ATRNL1: variants seen among roughly 807,000 people sequenced by gnomAD.
ATRNL1 encodes the protein attractin like 1, also known as attractin-like protein 1.
Under a neutral mutation model 182.7 loss-of-function variants are expected in ATRNL1, and 95 were observed. That is an observed-to-expected ratio of 0.52 (90% CI 0.44 to 0.62). ATRNL1 has a LOEUF of 0.62. Among genes scored for constraint, ATRNL1 ranks in the 20% least tolerant of loss-of-function variants. The pLI is 0.00. For missense variants in ATRNL1, 1,471 were observed against 1,679.5 expected, an observed-to-expected ratio of 0.88 and a Z score of 2.17; for synonymous variants, 576 against 568.3, an observed-to-expected ratio of 1.01 and a Z score of -0.19.
At chr10:115,473,620 A>T (rs1434111716) in intron 24 of ATRNL1, among the ~76,000 whole-genome samples, 2 of 151,246 alleles carry the variant, frequency 1.3e-5, no homozygotes, top group Admixed American at 6.6e-5. Flanking sequence ...ACTCTACTTC[A>T]TCTTTTTGGA....
chr10:115,912,456 G>A (rs774137926), intron 28 of ATRNL1, among the ~76,000 whole-genome samples: 18 of 150,588 alleles, frequency 1.2e-4, no homozygotes, highest in Non-Finnish European at 2.7e-4. Flanking sequence ...GATGAAACAG[G>A]CACATTTTAA....
At chr10:115,450,124 A>G (rs1033310689) in intron 21 of ATRNL1, among the ~76,000 whole-genome samples, 12 of 152,188 alleles carry the variant, frequency 7.9e-5, no homozygotes, top group African/African-American at 2.7e-4. Context: ...TATTAAAGGA[A>G]CATACCTCAA....
chr10:115,629,426 C>T (rs1319837680), intron 26 of ATRNL1, among the ~76,000 whole-genome samples: 3 of 152,102 alleles, frequency 2.0e-5, no homozygotes, highest in Non-Finnish European at 4.4e-5. Context: ...ATCCTATTCT[C>T]CTTGCCAGAC....
intron 26 of ATRNL1, among the ~76,000 whole-genome samples, chr10:115,582,515 A>T (rs1228148382): frequency 3.2e-5 from 4 of 124,140 alleles, no homozygotes; most frequent in East Asian, 3.2e-4. Context: ...GCATTTTTTC[A>T]TGTGTTTTTT....
intron 19 of ATRNL1, among the ~76,000 whole-genome samples, chr10:115,345,575 C>T (rs1312981740): frequency 6.6e-6 from 1 of 152,112 alleles, no homozygotes; most frequent in Non-Finnish European, 1.5e-5. Context: ...TGAGGGCTCA[C>T]CTGATTTTTG....
intron 24 of ATRNL1, among the ~76,000 whole-genome samples, chr10:115,481,451 G>T (rs540684966): frequency 2.9e-4 from 43 of 150,560 alleles, no homozygotes; most frequent in African/African-American, 1.0e-3. Flanking sequence ...ATTATTCAAG[G>T]TATTGTATAT....
intron 28 of ATRNL1, among the ~76,000 whole-genome samples, chr10:115,890,451 G>A (rs1952052560): frequency 6.6e-6 from 1 of 152,070 alleles, no homozygotes; most frequent in Non-Finnish European, 1.5e-5. Flanking sequence ...TGCAGTAATG[G>A]TGCTGTATAA....
At chr10:115,835,958 C>T (rs1025516080) in intron 27 of ATRNL1, among the ~76,000 whole-genome samples, 4 of 152,160 alleles carry the variant, frequency 2.6e-5, no homozygotes, top group Non-Finnish European at 5.9e-5. Context: ...CTGCTCTGTC[C>T]CCCCACACCG....
At chr10:115,743,908 T>G (rs1413571085) in intron 27 of ATRNL1, among the ~76,000 whole-genome samples, 1 of 152,074 alleles carries the variant, frequency 6.6e-6, no homozygotes, top group Non-Finnish European at 1.5e-5. Context: ...TGTAACCACA[T>G]TGAAAGAAGT....
intron 28 of ATRNL1, among the ~76,000 whole-genome samples, chr10:115,858,954 T>G (rs1555102812): frequency 6.6e-6 from 1 of 152,072 alleles, no homozygotes; most frequent in South Asian, 2.1e-4. Context: ...TTCTGGAGGC[T>G]GGGAAGTCCA....
intron 26 of ATRNL1, among the ~76,000 whole-genome samples, chr10:115,607,357 T>G (rs527393982): frequency 6.6e-6 from 1 of 151,990 alleles, no homozygotes; most frequent in East Asian, 1.9e-4. Context: ...ATTTGAATTC[T>G]CTGTTTATGA....
At chr10:115,542,042 T>G (rs1554992163) in intron 25 of ATRNL1, among the ~76,000 whole-genome samples, 1 of 152,206 alleles carries the variant, frequency 6.6e-6, no homozygotes, top group Non-Finnish European at 1.5e-5. Context: ...AGAAACACTG[T>G]ATACATTGTC....
intron 24 of ATRNL1, among the ~76,000 whole-genome samples, chr10:115,485,101 T>C (rs181090029): frequency 2.1e-3 from 314 of 152,144 alleles, no homozygotes; most frequent in African/African-American, 7.2e-3. Context: ...ATAACTTTTT[T>C]CCTGTACTGT....
intron 15 of ATRNL1, among the ~76,000 whole-genome samples, chr10:115,295,846 G>A (rs370912841): frequency 5.3e-5 from 8 of 152,070 alleles, no homozygotes; most frequent in Non-Finnish European, 1.0e-4. Context: ...GCATTCAGCC[G>A]CCTGTGTGGG....
At chr10:115,207,089 T>C (rs2144350476) in intron 8 of ATRNL1, among the ~76,000 whole-genome samples, 1 of 152,322 alleles carries the variant, frequency 6.6e-6, no homozygotes, top group South Asian at 2.1e-4. Flanking sequence ...AGTCTATCAT[T>C]GATGGACATT....
intron 28 of ATRNL1, among the ~76,000 whole-genome samples, chr10:115,933,330 A>G (rs1953461354): frequency 1.3e-5 from 2 of 152,190 alleles, no homozygotes; most frequent in African/African-American, 2.4e-5. Flanking sequence ...TACAAACCAT[A>G]GCTGGTACTA....
chr10:115,869,061 C>T (rs951322091), intron 28 of ATRNL1, among the ~76,000 whole-genome samples: 8 of 151,886 alleles, frequency 5.3e-5, no homozygotes, highest in Non-Finnish European at 1.2e-4. Flanking sequence ...GATCTCCTGA[C>T]CTCGTGATCC....
At chr10:115,246,006 C>G (rs1174800049) in intron 10 of ATRNL1, among the ~76,000 whole-genome samples, 1 of 151,972 alleles carries the variant, frequency 6.6e-6, no homozygotes, top group African/African-American at 2.4e-5. Flanking sequence ...GGATTATATA[C>G]AAGAAATAGT....
intron 28 of ATRNL1, among the ~76,000 whole-genome samples, chr10:115,872,772 C>A (rs1270442325): frequency 1.3e-5 from 2 of 152,218 alleles, no homozygotes; most frequent in South Asian, 2.1e-4. Flanking sequence ...AGAGAAAGAG[C>A]AACTGTAAAT....
Sources: allele counts gnomAD v4.1 joint callset (sites outside exome capture counted in the v4.1 genomes callset), GRCh38; gene constraint gnomAD v4.1.1; transcripts MANE v1.5; gene names NCBI Gene and HGNC (gene_info 2026-07-23, HGNC 2026-07-21).